Variants in AGAP3 observed in about 807,000 individuals in gnomAD.
AGAP3 encodes ArfGAP with GTPase domain, ankyrin repeat and PH domain 3.
Under a neutral mutation model 96.9 loss-of-function variants are expected in AGAP3, and 24 were observed. The observed-to-expected ratio is 0.25, with a 90% CI of 0.18 to 0.35. The LOEUF (loss-of-function observed/expected upper bound fraction) is 0.35. AGAP3 is among the 10% of genes least tolerant of loss of function. AGAP3 has a pLI of 1.00. For missense variants in AGAP3, 876 were observed against 1,254.2 expected, an observed-to-expected ratio of 0.70 and a Z score of 4.55; for synonymous variants, 563 against 536.1, an observed-to-expected ratio of 1.05 and a Z score of -0.69.
At chr7:151,134,597 G>C (rs1005010851) in intron 11 of AGAP3, 29 bp downstream of exon 11, 1 of 1,571,760 alleles carries the variant, frequency 6.4e-7, no homozygotes. Context: ...TGGGGGCCTG[G>C]GGGGTGGCTG....
intron 10 of AGAP3, 115 bp from the exon 11 acceptor site, chr7:151,134,284 AG>A: frequency 1.4e-5 from 16 of 1,167,628 alleles, no homozygotes; most frequent in Non-Finnish European, 2.0e-5. Context: ...CTGCTTTTCA[AG>A]ATTGGAGCCT....
chr7:151,118,183 T>C lies in AGAP3; in HGVS notation c.707-27T>C. 1 of 1,587,536 alleles carries C rather than the reference T, an allele frequency of 6.3e-7. No individual in the cohort carries two copies. Among genetic ancestry groups the C allele is most frequent in the Non-Finnish European group, 8.6e-7 (1 of 1,162,384 alleles). On this transcript the variant is annotated intron_variant, in intron 5 of 17. Transcript: ENST00000397238. The surrounding 1 kb of genome is among the most constrained non-coding windows in gnomAD (Gnocchi z 6.1). ...TACCCCAGCTTCTCCGAAAGCTGAA[T>C]GACTCCCGCCCTCCCACCTCCAACA...
chr7:151,106,920 C>T (rs1322874168), intron 1 of AGAP3, among the ~76,000 whole-genome samples: 1 of 152,238 alleles, frequency 6.6e-6, no homozygotes, highest in Non-Finnish European at 1.5e-5. Flanking sequence ...CACGTCTGCA[C>T]CTGCACTTTC....
chr7:151,113,012 G>A (rs1799364082), intron 1 of AGAP3, among the ~76,000 whole-genome samples: 1 of 152,168 alleles, frequency 6.6e-6, no homozygotes, highest in Non-Finnish European at 1.5e-5. Flanking sequence ...GGGATTACAG[G>A]TGTGAGCCAC....
intron 8 of AGAP3, chr7:151,123,365 T>G: frequency 9.5e-7 from 1 of 1,047,192 alleles, no homozygotes. Context: ...GCCGACGCGC[T>G]CGGTGCCACG....
chr7:151,134,434 A>T lies in AGAP3; in HGVS notation c.1361A>T (p.Asp454Val). ...CAGAACATCCACGGCAAGGAGATTGACCTGCTGCGGACAACGGTGAAAGTG... is the reference window on the plus strand; with the variant it reads ...CAGAACATCCACGGCAAGGAGATTGTCCTGCTGCGGACAACGGTGAAAGTG... ...YMQNIHGKEI[D>V]LLRTTVKVPG... is the part of the protein sequence containing the mutation. Residue 454 changes from aspartate to valine, a missense_variant, in exon 11 of 18, where the codon GAC (aspartate) becomes GTC (valine). Transcript: ENST00000397238. 3.1e-6 allele frequency: 5 copies of T among 1,613,488 alleles called. No homozygotes were observed. The highest frequency in any genetic ancestry group is 4.2e-6 in the Non-Finnish European group (5 of 1,180,000).
chr7:151,097,057 C>T (rs867863259), intron 1 of AGAP3, among the ~76,000 whole-genome samples: 4 of 149,532 alleles, frequency 2.7e-5, no homozygotes, highest in East Asian at 2.1e-4. Context: ...AGTGCTGGGA[C>T]GACAGGCGTG....
In AGAP3 at chr7:151,120,322, C is replaced by A. The variant is rs1359214418; in HGVS notation, c.1128+177C>A. On this transcript the variant is annotated intron_variant, in intron 8 of 17. Coordinates refer to ENST00000397238, the MANE Select transcript of AGAP3 (RefSeq NM_031946.7). Reference sequence around the variant, plus strand: ...CCTTGCCGGTGCCCTCAGAGTCTTCCAGACTGTTCTCTGCACCCACAAGGG... The same window carrying A: ...CCTTGCCGGTGCCCTCAGAGTCTTCAAGACTGTTCTCTGCACCCACAAGGG... Among the ~76,000 whole-genome samples, 7 of 152,214 alleles carry A rather than the reference C, an allele frequency of 4.6e-5. No individual in the cohort carries two copies. In the South Asian group the frequency reaches 1.0e-3, roughly 23 times the overall value.
At chr7:151,107,219 AG>A (rs1414247046) in intron 1 of AGAP3, among the ~76,000 whole-genome samples, 3 of 151,934 alleles carry the variant, frequency 2.0e-5, no homozygotes, top group African/African-American at 4.8e-5. Context: ...CTGAGGCAGG[AG>A]AATCACTTGA....
intron 10 of AGAP3, 93 bp downstream of exon 10, chr7:151,128,777 A>T: frequency 9.1e-7 from 1 of 1,095,140 alleles, no homozygotes; most frequent in Admixed American, 1.9e-5. Context: ...TCCAGGATGG[A>T]CGGGAAGCAG....
In AGAP3 at chr7:151,140,340, T is replaced by G. The variant is rs1584791092; in HGVS notation, c.1804+224T>G. On this transcript the variant is annotated intron_variant, in intron 13 of 17. Transcript: ENST00000397238. The surrounding 1 kb of genome is among the most constrained non-coding windows in gnomAD (Gnocchi z 5.4). ...AAACCCTTTCTGTTGAAATGTGGGCTTACTTCATTTATTCTTAAGGTAAAA... is the reference window on the plus strand; with the variant it reads ...AAACCCTTTCTGTTGAAATGTGGGCGTACTTCATTTATTCTTAAGGTAAAA... The G allele has an allele frequency of 2.0e-5, 8 of 409,164 alleles. No individual in the cohort carries two copies. In the East Asian group the frequency reaches 3.5e-4, roughly 18 times the overall value. 25.3% of individuals were successfully genotyped at this position (409,164 alleles called of 1,614,324 possible).
rs974044214 is a variant in AGAP3 at position 151,108,560 on chromosome 7, G to C, written c.332-8233G>C. On this transcript the variant is annotated intron_variant, in intron 1 of 17. Transcript: ENST00000397238. The surrounding 1 kb of genome is among the most constrained non-coding windows in gnomAD (Gnocchi z 4.2). ...CCTCTGGAGATGGGGCAGAATCCCC[G>C]GGCCTCAGAGCAGCCTTCGGAGGGT... 6.6e-6 allele frequency among the ~76,000 whole-genome samples: 1 copy of C among 152,224 alleles called. No homozygotes were observed. Among genetic ancestry groups the C allele is most frequent in the Admixed American group, 6.5e-5 (1 of 15,286 alleles).
intron 1 of AGAP3, among the ~76,000 whole-genome samples, chr7:151,094,796 G>A (rs1798533348): frequency 6.6e-6 from 1 of 151,678 alleles, no homozygotes. Context: ...TTTCAGGTGT[G>A]AGCCACCATG....
At chr7:151,106,904 C>T (rs2150435833) in intron 1 of AGAP3, among the ~76,000 whole-genome samples, 1 of 152,336 alleles carries the variant, frequency 6.6e-6, no homozygotes, top group East Asian at 1.9e-4. Context: ...CAGTGCAGCA[C>T]CTTCGCACGT....
At chr7:151,110,609 C>T (rs1032424173) in intron 1 of AGAP3, among the ~76,000 whole-genome samples, 5 of 152,092 alleles carry the variant, frequency 3.3e-5, no homozygotes, top group Admixed American at 6.5e-5. Flanking sequence ...TGAAGAGGTC[C>T]GCCCCAGCTG....
rs961942478 is a variant in AGAP3 at position 151,120,735 on chromosome 7, C to T, written c.1128+590C>T. On this transcript the variant is annotated intron_variant, in intron 8 of 17. Transcript: ENST00000397238. Reference sequence around the variant, plus strand: ...TGGGCTTCACCACGCTGCCTCGTTCCTCCCTCTCAGGTTTGTCCTGTCTCC... The same window carrying T: ...TGGGCTTCACCACGCTGCCTCGTTCTTCCCTCTCAGGTTTGTCCTGTCTCC... 229 of 1,210,186 alleles carry T rather than the reference C, an allele frequency of 1.9e-4. 1 individual carries two copies. The highest frequency in any genetic ancestry group is 7.5e-4 in the South Asian group (51 of 68,392). 75.0% of individuals were successfully genotyped at this position (1,210,186 alleles called of 1,614,324 possible).
chr7:151,123,191 G>T, intron 8 of AGAP3: 2 of 1,057,376 alleles, frequency 1.9e-6, no homozygotes, highest in South Asian at 3.1e-5. Context: ...TCCTGCTCCG[G>T]AAGCCGCCGC....
rs1452724171 is a variant in AGAP3 at position 151,096,503 on chromosome 7, C to T, written c.331+9431C>T. Among the ~76,000 whole-genome samples, 7 of 151,124 alleles carry T rather than the reference C, an allele frequency of 4.6e-5. No individual in the cohort carries two copies. Among genetic ancestry groups the T allele is most frequent in the Middle Eastern group, 6.9e-3 (2 of 290 alleles). On this transcript the variant is annotated intron_variant, in intron 1 of 17. Transcript: ENST00000397238. The surrounding 1 kb of genome is among the most constrained non-coding windows in gnomAD (Gnocchi z 4.4). ...TTTTTTTTTTTTTGAGGTGGAGTCTCGCTCTGTCGCCCAGGCTGGAGTGCA... is the reference window on the plus strand; with the variant it reads ...TTTTTTTTTTTTTGAGGTGGAGTCTTGCTCTGTCGCCCAGGCTGGAGTGCA...
chr7:151,142,272 G>C lies in AGAP3; in HGVS notation c.2050+19G>C. 1 of 1,611,106 alleles carries C rather than the reference G, an allele frequency of 6.2e-7. No homozygotes were observed. The highest frequency in any genetic ancestry group is 8.5e-7 in the Non-Finnish European group (1 of 1,178,980). On this transcript the variant is annotated intron_variant, in intron 15 of 17. Transcript: ENST00000397238. The surrounding 1 kb of genome is among the most constrained non-coding windows in gnomAD (Gnocchi z 7.5). ...GCACCCAGTGAGTGCAAGGCTGGTG[G>C]GGCTGGGAGCTGGGGATGGCCCAGG...
Sources: allele counts gnomAD v4.1 joint callset (sites outside exome capture counted in the v4.1 genomes callset), GRCh38; gene constraint gnomAD v4.1.1; non-coding constraint Gnocchi (gnomAD v3.1); transcripts MANE v1.5; gene names NCBI Gene and HGNC (gene_info 2026-07-23, HGNC 2026-07-21).